Variants in FOCAD observed in about 807,000 individuals in gnomAD.
FOCAD encodes the protein focadhesin.
Under a neutral mutation model 225.6 loss-of-function variants are expected in FOCAD, and 198 were observed. That is an observed-to-expected ratio of 0.88 (90% CI 0.78 to 0.99). The LOEUF is 0.99. FOCAD is among the 50% of genes least tolerant of loss of function. FOCAD has a pLI of 0.00. For synonymous variants in FOCAD, 897 were observed against 755.0 expected (o/e 1.19, Z -3.08); for missense variants, 2,713 against 2,123.6 (o/e 1.28, Z -5.46).
chr9:20,942,094 A>G (rs1347235183), intron 28 of FOCAD, among the ~76,000 whole-genome samples: 2 of 152,214 alleles, frequency 1.3e-5, no homozygotes, highest in African/African-American at 4.8e-5. Context: ...GGGGCAATAG[A>G]TGTATATGCC....
At chr9:20,887,132 G>A (rs1034132538) in intron 21 of FOCAD, among the ~76,000 whole-genome samples, 1 of 151,930 alleles carries the variant, frequency 6.6e-6, no homozygotes, top group African/African-American at 2.4e-5. Flanking sequence ...AATCAATTTG[G>A]GATTTTTCCA....
chr9:20,711,286 T>C (rs114845818), intron 1 of FOCAD, among the ~76,000 whole-genome samples: 1,606 of 152,292 alleles, frequency 0.011, 28 homozygotes, highest in African/African-American at 0.036. Flanking sequence ...TGGGACCATT[T>C]TGGAAACTGT....
intron 5 of FOCAD, among the ~76,000 whole-genome samples, chr9:20,740,958 G>A (rs934997619): frequency 6.6e-6 from 1 of 152,150 alleles, no homozygotes; most frequent in Non-Finnish European, 1.5e-5. Flanking sequence ...TGCCTTGAAG[G>A]ACCCAGGAAG....
intron 28 of FOCAD, among the ~76,000 whole-genome samples, chr9:20,941,154 T>A (rs1244200654): frequency 1.3e-5 from 2 of 152,120 alleles, no homozygotes; most frequent in Non-Finnish European, 2.9e-5. Flanking sequence ...AATGATAGAA[T>A]TCACCCAGAG....
chr9:20,874,678 C>A lies in FOCAD; in HGVS notation c.2191-3C>A. The A allele has an allele frequency of 6.2e-7, 1 of 1,612,668 alleles. No individual in the cohort carries two copies. Among genetic ancestry groups the A allele is most frequent in the Non-Finnish European group, 8.5e-7 (1 of 1,179,232 alleles). On this transcript the variant is annotated splice_region_variant and splice_polypyrimidine_tract_variant and intron_variant, in intron 18 of 43. Transcript: ENST00000338382. ...TCTATGATCTTTTCGCTTATCATTT[C>A]AGATAAGACCAGAAATTCCCATTCC...
chr9:20,895,015 A>G (rs2131935627), intron 21 of FOCAD, among the ~76,000 whole-genome samples: 1 of 152,176 alleles, frequency 6.6e-6, no homozygotes, highest in South Asian at 2.1e-4. Flanking sequence ...GTGTAAAGTC[A>G]GGGTCTAGAT....
chr9:20,926,608 A>G (rs1387790496), intron 26 of FOCAD, among the ~76,000 whole-genome samples, 191 bp downstream of exon 26: 1 of 151,970 alleles, frequency 6.6e-6, no homozygotes, highest in African/African-American at 2.4e-5. Flanking sequence ...ACATGGAGAA[A>G]CCGCATCTCT....
intron 22 of FOCAD, among the ~76,000 whole-genome samples, chr9:20,908,282 T>G (rs1167601638): frequency 6.6e-6 from 1 of 152,048 alleles, no homozygotes; most frequent in African/African-American, 2.4e-5. Flanking sequence ...AGATAACAGC[T>G]GTCCTATAAA....
chr9:20,744,822 A>G (rs981106526), intron 5 of FOCAD, among the ~76,000 whole-genome samples: 3 of 152,208 alleles, frequency 2.0e-5, no homozygotes, highest in East Asian at 3.8e-4. Context: ...TCCTGACTGA[A>G]TGCTGACAAC....
chr9:20,841,725 G>A (rs760697617), intron 15 of FOCAD, among the ~76,000 whole-genome samples: 4 of 150,982 alleles, frequency 2.6e-5, no homozygotes, highest in African/African-American at 4.9e-5. Flanking sequence ...TTCATCTTTT[G>A]TATTGTTTTC....
At chr9:20,993,393 A>G (rs1259317090) in intron 43 of FOCAD, 65 bp downstream of exon 43, 2 of 1,357,834 alleles carry the variant, frequency 1.5e-6, no homozygotes, top group African/African-American at 1.4e-5. Flanking sequence ...GTGGAGCAGA[A>G]TGGCATTCTA....
chr9:20,909,428 A>C (rs1279562884), intron 22 of FOCAD, among the ~76,000 whole-genome samples: 2 of 152,092 alleles, frequency 1.3e-5, no homozygotes, highest in Non-Finnish European at 1.5e-5. Flanking sequence ...CACGGTTATT[A>C]ATTGTTATAA....
intron 11 of FOCAD, among the ~76,000 whole-genome samples, chr9:20,805,822 C>T (rs568904839): frequency 6.6e-6 from 1 of 152,220 alleles, no homozygotes; most frequent in Non-Finnish European, 1.5e-5. Flanking sequence ...ATTTGAGCTT[C>T]ACCTGGAAAT....
chr9:20,728,290 A>G (rs922657070), intron 4 of FOCAD, among the ~76,000 whole-genome samples: 1 of 152,244 alleles, frequency 6.6e-6, no homozygotes, highest in African/African-American at 2.4e-5. Context: ...ATATATATAA[A>G]GAGATATCTT....
chr9:20,833,793 A>G (rs1237776773), intron 15 of FOCAD, among the ~76,000 whole-genome samples: 1 of 152,122 alleles, frequency 6.6e-6, no homozygotes, highest in East Asian at 1.9e-4. Flanking sequence ...TGTCAGCATC[A>G]CTGGTCATTG....
chr9:20,738,977 T>C (rs1827375786), intron 4 of FOCAD, among the ~76,000 whole-genome samples: 1 of 152,200 alleles, frequency 6.6e-6, no homozygotes, highest in African/African-American at 2.4e-5. Flanking sequence ...TATTTTGTAC[T>C]TACAGGACAT....
At chr9:20,834,124 A>G (rs1038127740) in intron 15 of FOCAD, among the ~76,000 whole-genome samples, 1 of 152,260 alleles carries the variant, frequency 6.6e-6, no homozygotes, top group Non-Finnish European at 1.5e-5. Flanking sequence ...CAGTCATAAA[A>G]AAGAACAACA....
intron 15 of FOCAD, among the ~76,000 whole-genome samples, chr9:20,861,622 T>G (rs1828780217): frequency 6.6e-6 from 1 of 152,236 alleles, no homozygotes; most frequent in Admixed American, 6.5e-5. Flanking sequence ...TCCTTAAGTA[T>G]ATATTACTCA....
At chr9:20,766,201 G>C (rs1474851094) in intron 7 of FOCAD, among the ~76,000 whole-genome samples, 1 of 152,106 alleles carries the variant, frequency 6.6e-6, no homozygotes, top group Non-Finnish European at 1.5e-5. Flanking sequence ...TTTTAGAAAT[G>C]AGCTCGGTGG....
Sources: gnomAD v4.1 joint callset for allele counts (sites outside exome capture counted in the v4.1 genomes callset) on GRCh38, gnomAD v4.1.1 for gene constraint, MANE v1.5 for transcripts, NCBI Gene and HGNC (gene_info 2026-07-23, HGNC 2026-07-21) for gene names.